DNM3: variants seen among roughly 807,000 people sequenced by gnomAD.
DNM3 encodes dynamin-3.
Under a neutral mutation model 101.6 loss-of-function variants are expected in DNM3, and 47 were observed. The observed-to-expected ratio is 0.46, with a 90% CI of 0.37 to 0.59. The LOEUF is 0.59. Among genes scored for constraint, DNM3 ranks in the 20% least tolerant of loss-of-function variants. The probability of loss-of-function intolerance (pLI) is 0.00; values close to 1 mark genes in which losing one functional copy is unlikely to be tolerated. For synonymous variants in DNM3, 385 were observed against 387.9 expected (o/e 0.99, Z 0.09); for missense variants, 849 against 1,085.7 (o/e 0.78, Z 3.06).
intron 14 of DNM3, among the ~76,000 whole-genome samples, chr1:172,168,429 G>A (rs1454760531): frequency 6.6e-6 from 1 of 151,874 alleles, no homozygotes; most frequent in African/African-American, 2.4e-5. Context: ...CTTTAAATAG[G>A]GCTGAGTATG....
Position 171,849,609 on chromosome 1 carries a change from T to C in DNM3, c.161+7792T>C, listed in dbSNP as rs534620548. On this transcript the variant is annotated intron_variant, in intron 1 of 20. Coordinates refer to ENST00000627582, the MANE Select transcript of DNM3 (RefSeq NM_015569.5). ...GCTAATAGAATATATTTGAGCCTTCTTTAAAGAAAGCATTGCCCACATTCG... is the reference window on the plus strand; with the variant it reads ...GCTAATAGAATATATTTGAGCCTTCCTTAAAGAAAGCATTGCCCACATTCG... 2.0e-5 allele frequency among the ~76,000 whole-genome samples: 3 copies of C among 152,338 alleles called. No individual in the cohort carries two copies. In the South Asian group the frequency reaches 6.2e-4, roughly 32 times the overall value.
chr1:172,365,312 A>G (rs1272326590), intron 17 of DNM3, among the ~76,000 whole-genome samples: 2 of 151,984 alleles, frequency 1.3e-5, no homozygotes, highest in Non-Finnish European at 2.9e-5. Flanking sequence ...TATAGACGGA[A>G]CAAGGTTGGC....
intron 1 of DNM3, among the ~76,000 whole-genome samples, chr1:171,866,382 C>T (rs958759011): frequency 2.0e-5 from 3 of 151,954 alleles, no homozygotes; most frequent in Non-Finnish European, 4.4e-5. Flanking sequence ...TCTCTGAAAC[C>T]GTCCTTGTAC....
chr1:172,140,233 A>G (rs1038238881), intron 14 of DNM3: 3 of 152,046 alleles, frequency 2.0e-5, no homozygotes, highest in Non-Finnish European at 4.4e-5. Context: ...ACAAAAGCTA[A>G]TAAGTGCCAT....
At chr1:172,217,682 C>G (rs1413175633) in intron 14 of DNM3, among the ~76,000 whole-genome samples, 1 of 152,044 alleles carries the variant, frequency 6.6e-6, no homozygotes. Flanking sequence ...AGGCAGTGCT[C>G]CACTCTCTCC....
chr1:171,875,813 C>CTTTTTTTT (rs60523795), intron 1 of DNM3, among the ~76,000 whole-genome samples: 38,320 of 101,220 alleles, frequency 0.38, 8,983 homozygotes, highest in African/African-American at 0.41. Context: ...AGTTGTCTCT[C>CTTTTTTTT]TTTTTTTTTT....
At position 172,387,226 on chromosome 1, in the gene DNM3, C is replaced by T. The variant is rs761798524; in HGVS notation, c.2152C>T (p.Arg718Cys). The change falls in exon 19 of 21, where the codon CGC (arginine) becomes TGC (cysteine). Residue 718 changes from arginine to cysteine, a missense_variant. Transcript: ENST00000627582. ...LMEESAEQAQ[R>C]RDEMLRMYQA... is the part of the protein sequence containing the mutation. ...GGAGGAATCTGCTGAGCAGGCTCAG[C>T]GCCGGGATGAGATGCTTCGAATGTA... 12 of 1,613,864 alleles carry T rather than the reference C, an allele frequency of 7.4e-6. No homozygotes were observed. The highest frequency in any genetic ancestry group is 2.7e-5 in the African/African-American group (2 of 74,918).
intron 17 of DNM3, among the ~76,000 whole-genome samples, chr1:172,339,489 T>C (rs1369083614): frequency 6.6e-6 from 1 of 152,156 alleles, no homozygotes; most frequent in Non-Finnish European, 1.5e-5. Context: ...ATCGTGCAGT[T>C]TGAAATAGAT....
intron 8 of DNM3, 44 bp from the exon 9 acceptor site, chr1:172,044,341 A>T: frequency 6.7e-7 from 1 of 1,499,632 alleles, no homozygotes; most frequent in African/African-American, 1.4e-5. Flanking sequence ...AATATTATTC[A>T]AAGGAATTAA....
chr1:172,263,755 A>G (rs1040364056), intron 15 of DNM3, among the ~76,000 whole-genome samples: 3 of 152,162 alleles, frequency 2.0e-5, no homozygotes, highest in African/African-American at 7.2e-5. Context: ...GATTTATGGG[A>G]GCTACAATTC....
chr1:171,887,353 G>A (rs1178294524), intron 1 of DNM3, among the ~76,000 whole-genome samples: 3 of 152,166 alleles, frequency 2.0e-5, no homozygotes, highest in African/African-American at 7.2e-5. Flanking sequence ...CTGTTACTTC[G>A]AAATACAGAC....
intron 14 of DNM3, among the ~76,000 whole-genome samples, chr1:172,244,731 A>G (rs898088710): frequency 8.5e-5 from 13 of 152,122 alleles, no homozygotes; most frequent in East Asian, 7.7e-4. Context: ...ATGTGGAGAA[A>G]TAGGAACACT....
intron 1 of DNM3, among the ~76,000 whole-genome samples, chr1:171,863,827 C>T (rs1396324110): frequency 6.6e-6 from 1 of 152,162 alleles, no homozygotes; most frequent in Non-Finnish European, 1.5e-5. Flanking sequence ...CTAGTTATCA[C>T]CTCTTCTTGA....
intron 4 of DNM3, among the ~76,000 whole-genome samples, chr1:172,000,617 G>A (rs985771884): frequency 3.3e-5 from 5 of 152,146 alleles, no homozygotes; most frequent in Admixed American, 2.0e-4. Flanking sequence ...CCTTGAACTC[G>A]GTCCAAATCA....
intron 13 of DNM3, among the ~76,000 whole-genome samples, chr1:172,128,687 T>G (rs1426659170): frequency 6.6e-6 from 1 of 152,228 alleles, no homozygotes; most frequent in Non-Finnish European, 1.5e-5. Context: ...CACATCTTAA[T>G]GGAAACTAGT....
chr1:172,104,249 A>G (rs1403967791), intron 13 of DNM3, among the ~76,000 whole-genome samples: 1 of 152,160 alleles, frequency 6.6e-6, no homozygotes, highest in Non-Finnish European at 1.5e-5. Flanking sequence ...AAAAGTTATA[A>G]TTTTGGCTTA....
chr1:171,845,156 A>G (rs1183838648), intron 1 of DNM3, among the ~76,000 whole-genome samples: 1 of 152,154 alleles, frequency 6.6e-6, no homozygotes, highest in African/African-American at 2.4e-5. Flanking sequence ...ATGCTCTAGA[A>G]CCTCTGTGCC....
chr1:172,076,713 T>C (rs1195347823), intron 11 of DNM3, among the ~76,000 whole-genome samples: 1 of 152,222 alleles, frequency 6.6e-6, no homozygotes, highest in Non-Finnish European at 1.5e-5. Context: ...CCGGATTCAG[T>C]TTGCCAGTAT....
At chr1:172,357,014 A>G (rs956124392) in intron 17 of DNM3, among the ~76,000 whole-genome samples, 2 of 152,152 alleles carry the variant, frequency 1.3e-5, no homozygotes, top group Non-Finnish European at 2.9e-5. Flanking sequence ...AAATAATGAC[A>G]GTAATGGATT....
Sources: gnomAD v4.1 joint callset for allele counts (sites outside exome capture counted in the v4.1 genomes callset) on GRCh38, gnomAD v4.1.1 for gene constraint, MANE v1.5 for transcripts, NCBI Gene and HGNC (gene_info 2026-07-23, HGNC 2026-07-21) for gene names.